Variants in TRPM3 observed in about 807,000 individuals in gnomAD.
The protein encoded by TRPM3 is long transient receptor potential channel 3.
In TRPM3, 77 loss-of-function variants were observed where a neutral mutation model predicts 181.2. The ratio of observed to expected loss-of-function variants is 0.42; its 90% CI spans 0.35 to 0.51. The LOEUF (loss-of-function observed/expected upper bound fraction) is 0.51. TRPM3 is among the 20% of genes least tolerant of loss of function. The pLI is 0.01. For missense variants in TRPM3, 1,759 were observed against 2,196.7 expected, an observed-to-expected ratio of 0.80 and a Z score of 3.98; for synonymous variants, 745 against 796.4, an observed-to-expected ratio of 0.94 and a Z score of 1.09.
chr9:71,032,016 T>TATATA (rs2057437257), intron 1 of TRPM3, among the ~76,000 whole-genome samples: 1 of 198 alleles, frequency 5.1e-3, no homozygotes, highest in Non-Finnish European at 0.014. Context: ...TAATATATAA[T>TATATA]ATATATATAT....
intron 1 of TRPM3, among the ~76,000 whole-genome samples, chr9:71,071,738 CA>C (rs1367426696): frequency 2.0e-5 from 3 of 152,116 alleles, no homozygotes; most frequent in Non-Finnish European, 4.4e-5. Context: ...CCAACTCTGC[CA>C]CTTAGTAAAT....
At chr9:71,374,768 T>C (rs1185261872) in intron 1 of TRPM3, among the ~76,000 whole-genome samples, 2 of 152,180 alleles carry the variant, frequency 1.3e-5, no homozygotes, top group African/African-American at 2.4e-5. Flanking sequence ...GTAAAATTAA[T>C]GTGCAGAAAT....
chr9:70,864,533 AAAAAAAAAG>A, intron 1 of TRPM3, 22 bp from the exon 2 acceptor site: 1 of 1,465,000 alleles, frequency 6.8e-7, no homozygotes, highest in Non-Finnish European at 9.0e-7. Context: ...AACAAAAAAA[AAAAAAAAAG>A]AAAAAAGAAA....
chr9:70,621,342 C>T (rs1183579565), intron 14 of TRPM3, 69 bp from the exon 15 acceptor site: 19 of 1,192,362 alleles, frequency 1.6e-5, no homozygotes, highest in African/African-American at 1.6e-5. Flanking sequence ...TAAGAAGAGT[C>T]CTATTATATA....
At chr9:71,015,159 A>G (rs775730146) in intron 1 of TRPM3, among the ~76,000 whole-genome samples, 3 of 152,178 alleles carry the variant, frequency 2.0e-5, no homozygotes, top group Non-Finnish European at 4.4e-5. Context: ...TAGATGGGCT[A>G]CTGTTTAAAA....
intron 6 of TRPM3, among the ~76,000 whole-genome samples, chr9:70,809,404 C>A (rs1234739517): frequency 6.6e-6 from 1 of 152,206 alleles, no homozygotes; most frequent in African/African-American, 2.4e-5. Context: ...TCCAGTCCTG[C>A]AAGCACCATT....
At chr9:71,327,659 T>C (rs2089794377) in intron 1 of TRPM3, among the ~76,000 whole-genome samples, 1 of 152,230 alleles carries the variant, frequency 6.6e-6, no homozygotes, top group South Asian at 2.1e-4. Context: ...TAATTCTGCA[T>C]ATCCGAAACA....
At chr9:70,854,040 C>T (rs370900781) in intron 3 of TRPM3, among the ~76,000 whole-genome samples, 7 of 152,092 alleles carry the variant, frequency 4.6e-5, no homozygotes, top group Non-Finnish European at 1.0e-4. Context: ...ACTCATGTGC[C>T]GACTCAGCAG....
At position 70,674,416 on chromosome 9, in the gene TRPM3, A is replaced by G. The variant is rs201357128; in HGVS notation, c.1345+7090T>C. Reference sequence around the variant, plus strand: ...GATTTACCAAGTTAACTAGGATTTAAGTTATTTTTTAAAATGAGATGAGTT... The same window carrying G: ...GATTTACCAAGTTAACTAGGATTTAGGTTATTTTTTAAAATGAGATGAGTT... On this transcript the variant is annotated intron_variant, in intron 9 of 25. Coordinates refer to ENST00000677713, the MANE Select transcript of TRPM3 (RefSeq NM_001366145.2). Among the ~76,000 whole-genome samples the G allele has an allele frequency of 2.0e-5, 3 of 152,188 alleles. No homozygotes were observed. In the East Asian group the frequency reaches 5.8e-4, roughly 29 times the overall value.
intron 1 of TRPM3, among the ~76,000 whole-genome samples, chr9:71,097,263 G>A (rs1456309195): frequency 6.6e-6 from 1 of 151,738 alleles, no homozygotes; most frequent in Admixed American, 6.6e-5. Flanking sequence ...AGGATATATG[G>A]TATATATATT....
At chr9:70,620,468 C>T (rs1028164638) in intron 15 of TRPM3, 103 bp from the exon 16 acceptor site, 7 of 1,295,248 alleles carry the variant, frequency 5.4e-6, no homozygotes, top group South Asian at 1.4e-5. Context: ...GGGATCAATA[C>T]TGAAATGAAC....
chr9:71,183,076 A>G (rs1014127034), intron 1 of TRPM3, among the ~76,000 whole-genome samples: 1 of 152,200 alleles, frequency 6.6e-6, no homozygotes, highest in Non-Finnish European at 1.5e-5. Context: ...TAGATAGAAC[A>G]TACCAGACAA....
intron 9 of TRPM3, among the ~76,000 whole-genome samples, chr9:70,661,143 TC>T (rs1270094265): frequency 1.9e-3 from 259 of 137,866 alleles, no homozygotes; most frequent in African/African-American, 7.0e-3. Context: ...GCAAGTCAAG[TC>T]AATAAGTGTG....
chr9:70,888,984 T>C (rs761975070), intron 1 of TRPM3, among the ~76,000 whole-genome samples: 5 of 152,136 alleles, frequency 3.3e-5, no homozygotes, highest in African/African-American at 4.8e-5. Flanking sequence ...ACATAACAGA[T>C]GTCAACAAAA....
chr9:70,995,159 A>T (rs2097530195), intron 1 of TRPM3, among the ~76,000 whole-genome samples: 1 of 152,174 alleles, frequency 6.6e-6, no homozygotes, highest in South Asian at 2.1e-4. Flanking sequence ...TAGGCTGAAA[A>T]TTAGTCTACA....
chr9:70,666,646 C>T (rs1178912220), intron 9 of TRPM3, among the ~76,000 whole-genome samples: 1 of 152,032 alleles, frequency 6.6e-6, no homozygotes, highest in Non-Finnish European at 1.5e-5. Context: ...ATGTGGCCCA[C>T]TTTTTCTCTT....
intron 1 of TRPM3, among the ~76,000 whole-genome samples, chr9:70,907,757 C>T (rs993653277): frequency 6.6e-6 from 1 of 152,096 alleles, no homozygotes; most frequent in African/African-American, 2.4e-5. Flanking sequence ...TCTTTGTGCC[C>T]GTGTGTACCC....
intron 1 of TRPM3, among the ~76,000 whole-genome samples, chr9:71,168,468 T>TGTCAGCA (rs1171978433): frequency 6.6e-6 from 1 of 150,728 alleles, no homozygotes; most frequent in Non-Finnish European, 1.5e-5. Context: ...TTCTTGGCAA[T>TGTCAGCA]GTCAGCATCA....
intron 1 of TRPM3, among the ~76,000 whole-genome samples, chr9:71,241,412 C>G (rs1459037245): frequency 1.3e-5 from 2 of 150,164 alleles, no homozygotes; most frequent in South Asian, 4.2e-4. Flanking sequence ...AACCAAACAT[C>G]GCATGTTCTC....
Sources: gnomAD v4.1 joint callset for allele counts (sites outside exome capture counted in the v4.1 genomes callset) on GRCh38, gnomAD v4.1.1 for gene constraint, MANE v1.5 for transcripts, NCBI Gene and HGNC (gene_info 2026-07-23, HGNC 2026-07-21) for gene names.